The following ANKRD31 variants were observed in gnomAD, a reference collection of about 807,000 sequenced individuals.
ANKRD31 encodes ankyrin repeat domain-containing protein 31.
ANKRD31 carries 147 observed loss-of-function variants against 186.0 expected under a neutral mutation model. The observed-to-expected ratio is 0.79, with a 90% CI of 0.69 to 0.91. The LOEUF is 0.91. ANKRD31 is among the 40% of genes least tolerant of loss of function. ANKRD31 has a pLI of 0.00. For missense variants in ANKRD31, 1,986 were observed against 2,148.8 expected (o/e 0.92, Z 1.50); for synonymous variants, 673 against 736.4 (o/e 0.91, Z 1.39).
chr5:75,172,402 C>T (rs2150195639), intron 10 of ANKRD31, among the ~76,000 whole-genome samples: 1 of 149,930 alleles, frequency 6.7e-6, no homozygotes, highest in South Asian at 2.1e-4. Flanking sequence ...GAATAGGCTC[C>T]TTGATAGAGA....
chr5:75,199,448 T>C (rs1156675302), intron 6 of ANKRD31, among the ~76,000 whole-genome samples, 183 bp downstream of exon 6: 1 of 152,196 alleles, frequency 6.6e-6, no homozygotes, highest in East Asian at 1.9e-4. Flanking sequence ...GAAAACACTT[T>C]CATTAGCAAT....
intron 10 of ANKRD31, among the ~76,000 whole-genome samples, chr5:75,174,223 T>C (rs1449356961): frequency 6.6e-6 from 1 of 152,104 alleles, no homozygotes; most frequent in Non-Finnish European, 1.5e-5. Flanking sequence ...TATACAAAAA[T>C]TAATTCAAGA....
At chr5:75,068,734 A>C in intron 25 of ANKRD31, 70 bp from the exon 26 acceptor site, 2 of 1,395,146 alleles carry the variant, frequency 1.4e-6, no homozygotes, top group Non-Finnish European at 1.9e-6. Flanking sequence ...TGCTATTACA[A>C]ATCCTAGAAT....
intron 15 of ANKRD31, among the ~76,000 whole-genome samples, chr5:75,140,770 T>C (rs914781844): frequency 1.5e-4 from 23 of 152,284 alleles, no homozygotes; most frequent in African/African-American, 5.3e-4. Context: ...CACCAGCCAA[T>C]CACCAGTGAG....
At position 75,107,637 on chromosome 5, in the gene ANKRD31, A is replaced by C; in HGVS notation, c.4244-20T>G. ...ATTGTTCTAGAAACATGACAATAAAAAGTTAGCTAACTGAGGGAGAGTGAA... is the reference window on the plus strand; with the variant it reads ...ATTGTTCTAGAAACATGACAATAAACAGTTAGCTAACTGAGGGAGAGTGAA... On this transcript the variant is annotated intron_variant, in intron 20 of 25. Coordinates refer to ENST00000506364, the MANE Select transcript of ANKRD31 (RefSeq NM_001372053.1). The C allele has an allele frequency of 7.0e-7, 1 of 1,436,976 alleles. No individual in the cohort carries two copies. Among genetic ancestry groups the C allele is most frequent in the South Asian group, 1.3e-5 (1 of 75,996 alleles). The allele number at this position is 1,436,976 out of a possible 1,614,324, so 89.0% of individuals were successfully genotyped here. A position where few individuals can be genotyped will look rare whatever the true frequency, so the allele number is the denominator to read the frequency against.
chr5:75,138,712 A>G, intron 16 of ANKRD31, 134 bp downstream of exon 16: 1 of 911,830 alleles, frequency 1.1e-6, no homozygotes, highest in Non-Finnish European at 1.6e-6. Flanking sequence ...AAACACTAAT[A>G]TAATATAAAA....
intron 17 of ANKRD31, among the ~76,000 whole-genome samples, chr5:75,131,450 C>G (rs1389228809): frequency 6.6e-6 from 1 of 152,148 alleles, no homozygotes; most frequent in Non-Finnish European, 1.5e-5. Context: ...AAGGTGGCAG[C>G]GAGGCTGGGG....
intron 3 of ANKRD31, among the ~76,000 whole-genome samples, chr5:75,214,313 T>C (rs1756830622): frequency 6.6e-6 from 1 of 152,192 alleles, no homozygotes; most frequent in Non-Finnish European, 1.5e-5. Flanking sequence ...TTCCCAGAAA[T>C]ATTCCTAAGT....
chr5:75,154,083 T>C, intron 12 of ANKRD31, 118 bp downstream of exon 12: 1 of 1,007,476 alleles, frequency 9.9e-7, no homozygotes, highest in Non-Finnish European at 1.3e-6. Context: ...AAAGACACTA[T>C]TGGATGGATT....
intron 17 of ANKRD31, among the ~76,000 whole-genome samples, chr5:75,133,883 A>C (rs10025843): frequency 1.6e-4 from 24 of 152,288 alleles, no homozygotes; most frequent in Admixed American, 1.4e-3. Flanking sequence ...GCTCAAATAC[A>C]TGGAAACTGA....
chr5:75,123,547 A>G (rs908547532), intron 17 of ANKRD31, among the ~76,000 whole-genome samples: 9 of 152,142 alleles, frequency 5.9e-5, no homozygotes, highest in Admixed American at 1.3e-4. Context: ...ATTATACTGC[A>G]AGGTTATAAT....
intron 17 of ANKRD31, among the ~76,000 whole-genome samples, chr5:75,134,976 C>T (rs565370462): frequency 1.1e-4 from 17 of 152,110 alleles, no homozygotes; most frequent in Non-Finnish European, 1.9e-4. Flanking sequence ...AGCCTTCATG[C>T]TAAAGACTCT....
chr5:75,146,854 T>C lies in ANKRD31; in HGVS notation c.2557A>G (p.Thr853Ala). 6.5e-7 allele frequency: 1 copy of C among 1,536,384 alleles called. No homozygotes were observed. ...TGGAGAGTGTGAGGCTGCTTATCTG[T>C]AGTAACAACTGGTAACTTGATTTCT... is the stretch of plus-strand genomic sequence containing the variant. ...HKEIKLPVVT[T>A]DKQPHTLQEQ... Residue 853 changes from threonine to alanine, a missense_variant, in exon 14 of 26, where the codon ACA becomes GCA. Physicochemically the swap from Thr to Ala is moderately conservative, Grantham distance 58. Coordinates refer to ENST00000506364, the MANE Select transcript of ANKRD31 (RefSeq NM_001372053.1).
chr5:75,120,707 C>A (rs1181625841), intron 17 of ANKRD31, among the ~76,000 whole-genome samples: 1 of 151,856 alleles, frequency 6.6e-6, no homozygotes, highest in Non-Finnish European at 1.5e-5. Flanking sequence ...AATGAAGAAA[C>A]AAAGAATCTA....
At chr5:75,231,950 ACTTT>A (rs1160601045) in intron 1 of ANKRD31, among the ~76,000 whole-genome samples, 3 of 115,980 alleles carry the variant, frequency 2.6e-5, no homozygotes, top group Non-Finnish European at 6.2e-5. Flanking sequence ...CACACACACA[ACTTT>A]CTAATAGTTC....
At chr5:75,170,844 T>G (rs988662947) in intron 10 of ANKRD31, among the ~76,000 whole-genome samples, 6 of 152,120 alleles carry the variant, frequency 3.9e-5, no homozygotes, top group African/African-American at 7.2e-5. Flanking sequence ...TAATATTATA[T>G]ATAGTAGAGT....
intron 23 of ANKRD31, among the ~76,000 whole-genome samples, chr5:75,086,366 G>T (rs960464826): frequency 6.6e-6 from 1 of 152,130 alleles, no homozygotes; most frequent in Non-Finnish European, 1.5e-5. Flanking sequence ...ATCACTTCTA[G>T]AAAATGTGCA....
In ANKRD31 at chr5:75,206,470, G is replaced by A; in HGVS notation, c.344C>T (p.Ser115Leu). 6.9e-7 allele frequency: 1 copy of A among 1,452,890 alleles called. No individual in the cohort carries two copies. The highest frequency in any genetic ancestry group is 9.0e-7 in the Non-Finnish European group (1 of 1,108,574). 90.0% of individuals were successfully genotyped at this position (1,452,890 alleles called of 1,614,324 possible). ...QALLQTRKNC[S>L]MFIGSFRQSG... The stretch of plus-strand genomic sequence containing the variant: ...CTGGCGAAACGACCCAATGAACATT[G>A]AACAGTTTTTTCTAGTCCTAAAAAA... Residue 115 changes from serine to leucine, a missense_variant, in exon 5 of 26, where the codon TCA becomes TTA. Ser to Leu is a moderately radical substitution (Grantham distance 145). Coordinates refer to ENST00000506364, the MANE Select transcript of ANKRD31 (RefSeq NM_001372053.1).
chr5:75,104,470 T>A lies in ANKRD31; in HGVS notation c.5089A>T (p.Ile1697Phe), dbSNP rs2150057187. The change falls in exon 22 of 26, where the codon ATT becomes TTT. Residue 1697 changes from isoleucine to phenylalanine, a missense_variant. Transcript: ENST00000506364. Reference sequence around the variant, plus strand: ...ACTGTATCACTGCCTAAGACAGCAATCCCTTGATGTGCCAGAGATTCTGAT... The same window carrying A: ...ACTGTATCACTGCCTAAGACAGCAAACCCTTGATGTGCCAGAGATTCTGAT... ...GASESLAHQG[I>F]AVLGSDTVHQ... The A allele has an allele frequency of 1.3e-6, 2 of 1,537,240 alleles. No individual in the cohort carries two copies. Among genetic ancestry groups the A allele is most frequent in the African/African-American group, 1.4e-5 (1 of 73,170 alleles).
Sources: gnomAD v4.1 joint callset for allele counts (sites outside exome capture counted in the v4.1 genomes callset) on GRCh38, gnomAD v4.1.1 for gene constraint, MANE v1.5 for transcripts, NCBI Gene and HGNC (gene_info 2026-07-23, HGNC 2026-07-21) for gene names.